The following SV2B variants were observed in gnomAD, a reference collection of about 807,000 sequenced individuals.
SV2B encodes the protein solute carrier family 22 member B2.
Under a neutral mutation model 73.9 loss-of-function variants are expected in SV2B, and 41 were observed. The ratio of observed to expected loss-of-function variants is 0.56; its 90% CI spans 0.43 to 0.72. The LOEUF is 0.72. Ranked by LOEUF, SV2B falls within the 30% of genes least tolerant of loss-of-function variation. The probability of loss-of-function intolerance (pLI) is 0.00; values close to 1 mark genes in which losing one functional copy is unlikely to be tolerated. For synonymous variants in SV2B, 314 were observed against 314.2 expected (o/e 1.00, Z 0.01); for missense variants, 764 against 857.8 (o/e 0.89, Z 1.37).
chr15:91,272,308 A>G (rs1445623767), intron 9 of SV2B, among the ~76,000 whole-genome samples: 1 of 152,232 alleles, frequency 6.6e-6, no homozygotes, highest in African/African-American at 2.4e-5. Context: ...GTTTCTACCC[A>G]GAATATGTAT....
chr15:91,185,926 C>T (rs1386194915), intron 1 of SV2B, among the ~76,000 whole-genome samples: 1 of 152,178 alleles, frequency 6.6e-6, no homozygotes, highest in Non-Finnish European at 1.5e-5. Context: ...TCCATGTGTC[C>T]TGACATTGCA....
chr15:91,118,406 G>C lies in SV2B; in HGVS notation c.-392+18043G>C, dbSNP rs572571658. ...GTAGCCCATGCCAGCAAGAAAGATG[G>C]GTGGTAGTACAGTGCTAAGGGAAGA... is the stretch of plus-strand genomic sequence containing the variant. On this transcript the variant is annotated intron_variant, in intron 1 of 12. Coordinates refer to ENST00000394232, the MANE Select transcript of SV2B (RefSeq NM_001323032.3). The surrounding 1 kb of genome is among the most constrained non-coding windows in gnomAD (Gnocchi z 4.7). 1.3e-5 allele frequency among the ~76,000 whole-genome samples: 2 copies of C among 152,272 alleles called. No individual in the cohort carries two copies. The highest frequency in any genetic ancestry group is 4.2e-4 in the South Asian group (2 of 4,818).
chr15:91,161,031 TAC>T (rs1596497157), intron 1 of SV2B, among the ~76,000 whole-genome samples: 1 of 57,080 alleles, frequency 1.8e-5, no homozygotes, highest in African/African-American at 6.7e-5. Flanking sequence ...CCTCAAAACA[TAC>T]GCTAAATGAA....
In SV2B at chr15:91,289,826, C is replaced by G; in HGVS notation, c.1868+146C>G. 2 of 990,796 alleles carry G rather than the reference C, an allele frequency of 2.0e-6. No homozygotes were observed. Among genetic ancestry groups the G allele is most frequent in the South Asian group, 3.5e-5 (2 of 56,804 alleles). The allele number at this position is 990,796 out of a possible 1,614,324, so 61.4% of individuals were successfully genotyped here. On this transcript the variant is annotated intron_variant, in intron 12 of 12. Transcript: ENST00000394232. This position sits in a 1 kb window ranked among gnomAD's most constrained non-coding sequence, Gnocchi z 4.9. ...CAAACATCTTTTATGTTGAGCTTCT[C>G]CTGCATGGTGGATGGCATAGACCTG...
At chr15:91,228,671 G>A (rs2046463272) in intron 2 of SV2B, among the ~76,000 whole-genome samples, 1 of 152,198 alleles carries the variant, frequency 6.6e-6, no homozygotes, top group Non-Finnish European at 1.5e-5. Context: ...CGGGAACATG[G>A]TCTTAATCTG....
chr15:91,209,625 G>T (rs2045781212), intron 1 of SV2B, among the ~76,000 whole-genome samples: 1 of 152,198 alleles, frequency 6.6e-6, no homozygotes, highest in East Asian at 1.9e-4. Flanking sequence ...ATATGGGGAA[G>T]CCCAGATATG....
Position 91,252,512 on chromosome 15 carries a change from C to A in SV2B, c.776C>A (p.Pro259Gln). The change falls in exon 4 of 13, where the codon CCA becomes CAA. Residue 259 changes from proline (P) to glutamine (Q), a missense_variant. Physicochemically the swap from Pro to Gln is moderately conservative, Grantham distance 76. Coordinates refer to ENST00000394232, the MANE Select transcript of SV2B (RefSeq NM_001323032.3). The surrounding 1 kb of genome is among the most constrained non-coding windows in gnomAD (Gnocchi z 4.6). ...TCTGCCATGGCCTGGAGCATCATCCCACACTATGGTGAGTCATGGCTCCAA... is the reference window on the plus strand; with the variant it reads ...TCTGCCATGGCCTGGAGCATCATCCAACACTATGGTGAGTCATGGCTCCAA... ...YASAMAWSIIPHYGWGFSMGT... is the reference protein window; with the variant it reads ...YASAMAWSIIQHYGWGFSMGT... 2 of 1,607,624 alleles carry A rather than the reference C, an allele frequency of 1.2e-6. No individual in the cohort carries two copies. Among genetic ancestry groups the A allele is most frequent in the Non-Finnish European group, 1.7e-6 (2 of 1,176,698 alleles).
At chr15:91,260,210 G>A in intron 5 of SV2B, 110 bp from the exon 6 acceptor site, 2 of 937,478 alleles carry the variant, frequency 2.1e-6, no homozygotes, top group Non-Finnish European at 1.6e-6. Flanking sequence ...AGACCTGCTA[G>A]GAATGCTCGT....
rs2042638240 is a variant in SV2B at position 91,131,249 on chromosome 15, CAA to C, written c.-392+30888_-392+30889del. Reference sequence around the variant, plus strand: ...ATGCAATTCTCCTGCCCTGGCCTCCCAAAGTGTTGGGAGGTGTGAGCCACTGC... The same window carrying C: ...ATGCAATTCTCCTGCCCTGGCCTCCCAGTGTTGGGAGGTGTGAGCCACTGC... On this transcript the variant is annotated intron_variant, in intron 1 of 12. Transcript: ENST00000394232. 5.3e-5 allele frequency among the ~76,000 whole-genome samples: 8 copies of C among 149,570 alleles called. No individual in the cohort carries two copies. In the South Asian group the frequency reaches 1.7e-3, roughly 32 times the overall value.
chr15:91,262,930 G>A (rs187223966), intron 6 of SV2B, among the ~76,000 whole-genome samples: 2 of 152,200 alleles, frequency 1.3e-5, no homozygotes, highest in African/African-American at 2.4e-5. Flanking sequence ...CATGGCCAGA[G>A]GAAGTCTAAG....
In SV2B at chr15:91,252,317, C is replaced by G; in HGVS notation, c.633-52C>G. 6.4e-7 allele frequency: 1 copy of G among 1,559,148 alleles called. No individual in the cohort carries two copies. The highest frequency in any genetic ancestry group is 8.7e-7 in the Non-Finnish European group (1 of 1,150,270). On this transcript the variant is annotated intron_variant, in intron 3 of 12. Transcript: ENST00000394232. The surrounding 1 kb of genome is among the most constrained non-coding windows in gnomAD (Gnocchi z 4.6). Reference sequence around the variant, plus strand: ...ATAGGCAACTTGGTTTCTGCTGTGACCATTTTTAGTGTATGACTTGATTCT... The same window carrying G: ...ATAGGCAACTTGGTTTCTGCTGTGAGCATTTTTAGTGTATGACTTGATTCT...
Position 91,225,958 on chromosome 15 carries a change from T to C in SV2B, c.-306T>C, listed in dbSNP as rs1039609875. 2 of 381,674 alleles carry C rather than the reference T, an allele frequency of 5.2e-6. No individual in the cohort carries two copies. The highest frequency in any genetic ancestry group is 6.4e-5 in the East Asian group (1 of 15,638). The allele number at this position is 381,674 out of a possible 1,614,324, so 23.6% of individuals were successfully genotyped here. A position where few individuals can be genotyped will look rare whatever the true frequency, so the allele number is the denominator to read the frequency against. ...CTCCCTGTCAAGAAAAACAGCTGGA[T>C]CCATTTCTAATCAACACTTCCCAAC... On this transcript the variant is annotated 5_prime_UTR_variant, in exon 2 of 13. Coordinates refer to ENST00000394232, the MANE Select transcript of SV2B (RefSeq NM_001323032.3).
In SV2B at chr15:91,229,370, T is replaced by C. The variant is rs569441370; in HGVS notation, c.451+2656T>C. On this transcript the variant is annotated intron_variant, in intron 2 of 12. Coordinates refer to ENST00000394232, the MANE Select transcript of SV2B (RefSeq NM_001323032.3). This position sits in a 1 kb window ranked among gnomAD's most constrained non-coding sequence, Gnocchi z 4.3. ...GTGCTGTGAGGACTAAATGAGATAA[T>C]GCAGGTGTAAAGCAACCAGCGCTTG... is the stretch of plus-strand genomic sequence containing the variant. 6.6e-6 allele frequency among the ~76,000 whole-genome samples: 1 copy of C among 152,182 alleles called. No homozygotes were observed. Among genetic ancestry groups the C allele is most frequent in the Non-Finnish European group, 1.5e-5 (1 of 68,024 alleles).
At chr15:91,131,689 G>A (rs1042371383) in intron 1 of SV2B, among the ~76,000 whole-genome samples, 9 of 152,074 alleles carry the variant, frequency 5.9e-5, no homozygotes, top group African/African-American at 2.2e-4. Flanking sequence ...GTGGCTGAGT[G>A]TGGTGGCTCA....
intron 1 of SV2B, among the ~76,000 whole-genome samples, chr15:91,165,182 C>T (rs1166486920): frequency 6.6e-6 from 1 of 151,992 alleles, no homozygotes; most frequent in Non-Finnish European, 1.5e-5. Flanking sequence ...ACTAAAAATA[C>T]AAAAATTAGC....
At chr15:91,135,033 T>A (rs1567279859) in intron 1 of SV2B, among the ~76,000 whole-genome samples, 1 of 151,338 alleles carries the variant, frequency 6.6e-6, no homozygotes, top group East Asian at 1.9e-4. Context: ...AGGGTCTTGC[T>A]CTGTTACCCG....
In SV2B at chr15:91,267,760, G is replaced by T; in HGVS notation, c.1208+117G>T. On this transcript the variant is annotated intron_variant, in intron 8 of 12. Coordinates refer to ENST00000394232, the MANE Select transcript of SV2B (RefSeq NM_001323032.3). The surrounding 1 kb of genome is among the most constrained non-coding windows in gnomAD (Gnocchi z 4.3). ...TTGTATCAGGTAGGATGCTTTGGTG[G>T]CAAGTAGCAGAAAACCAACTCTAGT... The T allele has an allele frequency of 1.2e-6, 1 of 868,616 alleles. No individual in the cohort carries two copies. Among genetic ancestry groups the T allele is most frequent in the Non-Finnish European group, 1.9e-6 (1 of 534,834 alleles). 53.8% of individuals were successfully genotyped at this position (868,616 alleles called of 1,614,324 possible).
intron 1 of SV2B, among the ~76,000 whole-genome samples, chr15:91,133,925 A>G (rs1332832242): frequency 6.6e-6 from 1 of 151,932 alleles, no homozygotes; most frequent in East Asian, 1.9e-4. Context: ...GGCTTTTTGC[A>G]GGATGCTTAA....
intron 1 of SV2B, among the ~76,000 whole-genome samples, chr15:91,144,342 A>G (rs1040543976): frequency 1.3e-5 from 2 of 152,220 alleles, no homozygotes; most frequent in Non-Finnish European, 2.9e-5. Context: ...ATTTAGTAAC[A>G]AATGTATGTT....
Sources: allele counts gnomAD v4.1 joint callset (sites outside exome capture counted in the v4.1 genomes callset), GRCh38; gene constraint gnomAD v4.1.1; non-coding constraint Gnocchi (gnomAD v3.1); transcripts MANE v1.5; gene names NCBI Gene and HGNC (gene_info 2026-07-23, HGNC 2026-07-21).